The following SCN2A variants were observed in gnomAD, a reference collection of about 807,000 sequenced individuals.
The protein encoded by SCN2A is sodium channel protein type 2 subunit alpha.
In SCN2A, 20 loss-of-function variants were observed where a neutral mutation model predicts 188.7. That is an observed-to-expected ratio of 0.11 (90% CI 0.07 to 0.15). The LOEUF is 0.15. Ranked by LOEUF, SCN2A falls within the 10% of genes least tolerant of loss-of-function variation. The pLI is 1.00. For synonymous variants in SCN2A, 804 were observed against 833.1 expected (o/e 0.97, Z 0.60); for missense variants, 1,278 against 2,445.0 (o/e 0.52, Z 10.07).
intron 1 of SCN2A, among the ~76,000 whole-genome samples, chr2:165,288,128 C>A (rs1838848): frequency 0.54 from 82,225 of 151,966 alleles, 22,899 homozygotes; most frequent in Middle Eastern, 0.63. Context: ...GCCCCTGATG[C>A]ATTTGTATTG....
intron 17 of SCN2A, among the ~76,000 whole-genome samples, chr2:165,354,917 T>G (rs953655396): frequency 1.3e-5 from 2 of 152,214 alleles, no homozygotes; most frequent in African/African-American, 4.8e-5. Flanking sequence ...GTATTCTTGA[T>G]ATGAATTTTT....
chr2:165,291,417 TCCC>T (rs1418299730), intron 1 of SCN2A, among the ~76,000 whole-genome samples: 9 of 142,858 alleles, frequency 6.3e-5, no homozygotes, highest in East Asian at 2.1e-4. Flanking sequence ...CCTTCCTTCC[TCCC>T]TGTCTGTCTT....
At chr2:165,347,870 A>G (rs1699684367) in intron 16 of SCN2A, among the ~76,000 whole-genome samples, 1 of 152,154 alleles carries the variant, frequency 6.6e-6, no homozygotes, top group Non-Finnish European at 1.5e-5. Context: ...CTGAGATGTA[A>G]GATTTAGCTT....
intron 20 of SCN2A, 183 bp downstream of exon 20, chr2:165,370,482 A>G (rs1304639703): frequency 9.8e-6 from 6 of 610,988 alleles, no homozygotes; most frequent in Non-Finnish European, 1.8e-5. Context: ...ATATACATTC[A>G]TAGATAAAAA....
At chr2:165,388,562 T>G in intron 26 of SCN2A, 67 bp from the exon 27 acceptor site, 1 of 1,603,746 alleles carries the variant, frequency 6.2e-7, no homozygotes, top group Non-Finnish European at 8.5e-7. Flanking sequence ...ACTAATGTAC[T>G]TATGTAAACT....
At chr2:165,338,261 C>T (rs1574626574) in intron 14 of SCN2A, among the ~76,000 whole-genome samples, 5 of 139,264 alleles carry the variant, frequency 3.6e-5, no homozygotes, top group South Asian at 2.2e-4. Flanking sequence ...AAGATTTGAA[C>T]TTTTTTTTTT....
intron 14 of SCN2A, among the ~76,000 whole-genome samples, chr2:165,335,028 ATACT>A (rs1698910727): frequency 6.6e-6 from 1 of 151,688 alleles, no homozygotes; most frequent in Admixed American, 6.6e-5. Flanking sequence ...AAATAATAAA[ATACT>A]TAGGAATAAA....
chr2:165,264,144 T>C (rs1694734245), intron 1 of SCN2A, among the ~76,000 whole-genome samples: 1 of 152,250 alleles, frequency 6.6e-6, no homozygotes, highest in South Asian at 2.1e-4. Flanking sequence ...TCCTTTCTCT[T>C]GTCTGATTCA....
chr2:165,386,293 G>A (rs1241706777), intron 25 of SCN2A, among the ~76,000 whole-genome samples: 4 of 151,772 alleles, frequency 2.6e-5, no homozygotes, highest in African/African-American at 7.3e-5. Context: ...GTGAAATCCC[G>A]TCTCTACTAA....
chr2:165,341,086 A>T (rs1053503055), intron 14 of SCN2A, among the ~76,000 whole-genome samples: 1 of 151,344 alleles, frequency 6.6e-6, no homozygotes, highest in Non-Finnish European at 1.5e-5. Flanking sequence ...TGATATATAT[A>T]TTTTTTGTTT....
rs116188085 is a variant in SCN2A, at chr2:165,320,630, A to G, written c.1672-2526A>G. Among the ~76,000 whole-genome samples the G allele has an allele frequency of 2.7e-3, 411 of 152,320 alleles. 3 individuals carry two copies. The highest frequency in any genetic ancestry group is 0.014 in the South Asian group (68 of 4,828). On this transcript the variant is annotated intron_variant, in intron 11 of 26. Transcript: ENST00000375437. ...AAATCCCAGTTATTGACTTCTGTGC[A>G]CTGACAGGCTCAACACCATGTGGAA...
chr2:165,319,804 C>T (rs373701800), intron 11 of SCN2A, among the ~76,000 whole-genome samples: 11 of 152,170 alleles, frequency 7.2e-5, no homozygotes, highest in Admixed American at 2.0e-4. Context: ...TGACCAGGTC[C>T]CTCCCACAAC....
At chr2:165,374,447 G>T (rs962044230) in intron 21 of SCN2A, among the ~76,000 whole-genome samples, 1 of 152,004 alleles carries the variant, frequency 6.6e-6, no homozygotes, top group African/African-American at 2.4e-5. Flanking sequence ...AGGTAAATTT[G>T]CTACATGTGT....
intron 1 of SCN2A, among the ~76,000 whole-genome samples, chr2:165,261,734 T>A (rs1694604706): frequency 6.6e-6 from 1 of 152,194 alleles, no homozygotes; most frequent in Admixed American, 6.5e-5. Context: ...CCCATTGTTT[T>A]AGTCACTCTG....
chr2:165,341,916 A>G (rs79160437), intron 14 of SCN2A, among the ~76,000 whole-genome samples: 1 of 152,296 alleles, frequency 6.6e-6, no homozygotes, highest in East Asian at 1.9e-4. Context: ...TGCAGGGCCA[A>G]GGGAGGGGAC....
chr2:165,278,033 A>G (rs1299175588), intron 1 of SCN2A, among the ~76,000 whole-genome samples: 2 of 152,132 alleles, frequency 1.3e-5, no homozygotes, highest in African/African-American at 4.8e-5. Flanking sequence ...GAAAGTGTGT[A>G]CCCAGCTGGA....
Position 165,389,629 on chromosome 2 carries a change from T to C in SCN2A, c.5823T>C (p.Asp1941=). 1 of 1,613,970 alleles carries C rather than the reference T, an allele frequency of 6.2e-7. No individual in the cohort carries two copies. The highest frequency in any genetic ancestry group is 8.5e-7 in the Non-Finnish European group (1 of 1,179,946). ...AGAAAGACAAAGGCAAAGAATGTGA[T>C]GGAACACCCATCAAAGAAGATACTC... ...IYKKDKGKEC[D]GTPIKEDTLI... Residue 1941 remains aspartate (D), a synonymous_variant, in exon 27 of 27, where the codon GAT becomes GAC. Transcript: ENST00000375437. The surrounding 1 kb of genome is among the most constrained non-coding windows in gnomAD (Gnocchi z 4.2).
At chr2:165,310,642 T>A (rs1330060133) in intron 7 of SCN2A, 47 bp downstream of exon 7, 1 of 1,325,270 alleles carries the variant, frequency 7.5e-7, no homozygotes. Context: ...TCTCTAAATA[T>A]TAAATATTAT....
At chr2:165,319,351 T>TA (rs1041933139) in intron 11 of SCN2A, among the ~76,000 whole-genome samples, 4 of 150,176 alleles carry the variant, frequency 2.7e-5, no homozygotes, top group African/African-American at 4.9e-5. Flanking sequence ...AATAAATAAA[T>TA]AAAAAAAAAG....
Sources: gnomAD v4.1 joint callset for allele counts (sites outside exome capture counted in the v4.1 genomes callset) on GRCh38, gnomAD v4.1.1 for gene constraint, Gnocchi (gnomAD v3.1) non-coding constraint, MANE v1.5 for transcripts, NCBI Gene and HGNC (gene_info 2026-07-23, HGNC 2026-07-21) for gene names.